PARD3: variants seen among roughly 807,000 people sequenced by gnomAD.
PARD3 encodes par-3 family cell polarity regulator, also known as partitioning defective 3 homolog.
Under a neutral mutation model 155.4 loss-of-function variants are expected in PARD3, and 75 were observed. The observed-to-expected ratio is 0.48, with a 90% CI of 0.40 to 0.58. The LOEUF (loss-of-function observed/expected upper bound fraction) is 0.58. PARD3 is among the 20% of genes least tolerant of loss of function. The probability of loss-of-function intolerance (pLI) is 0.00; values close to 1 mark genes in which losing one functional copy is unlikely to be tolerated. For synonymous variants in PARD3, 576 were observed against 610.5 expected, an observed-to-expected ratio of 0.94 and a Z score of 0.83; for missense variants, 1,642 against 1,721.7, an observed-to-expected ratio of 0.95 and a Z score of 0.82.
At chr10:34,581,817 G>A (rs1261481658) in intron 2 of PARD3, among the ~76,000 whole-genome samples, 1 of 152,166 alleles carries the variant, frequency 6.6e-6, no homozygotes, top group Non-Finnish European at 1.5e-5. Flanking sequence ...TTCATTCGTG[G>A]TGGATGAGAA....
chr10:34,168,493 C>T (rs929989334), intron 22 of PARD3, among the ~76,000 whole-genome samples: 6 of 152,136 alleles, frequency 3.9e-5, no homozygotes, highest in African/African-American at 1.4e-4. Flanking sequence ...TATCCAAGGC[C>T]ACACATTGCT....
chr10:34,554,773 A>T (rs900579444), intron 2 of PARD3, among the ~76,000 whole-genome samples: 1 of 152,222 alleles, frequency 6.6e-6, no homozygotes, highest in Non-Finnish European at 1.5e-5. Flanking sequence ...AAAAATTATT[A>T]AGATGAGGAA....
chr10:34,725,105 T>TTGTGTG (rs71033342), intron 1 of PARD3, among the ~76,000 whole-genome samples: 3,582 of 135,724 alleles, frequency 0.026, 58 homozygotes, highest in East Asian at 0.086. Flanking sequence ...AGTCAAAACT[T>TTGTGTG]TGTGTGTGTG....
intron 1 of PARD3, among the ~76,000 whole-genome samples, chr10:34,793,813 T>C (rs1432077372): frequency 6.6e-6 from 1 of 151,600 alleles, no homozygotes; most frequent in Non-Finnish European, 1.5e-5. Context: ...TGGGGAAACA[T>C]GAAGGGTGGA....
chr10:34,310,360 T>C (rs1439709010), intron 20 of PARD3, among the ~76,000 whole-genome samples: 1 of 152,194 alleles, frequency 6.6e-6, no homozygotes, highest in Non-Finnish European at 1.5e-5. Flanking sequence ...TTCACATCAA[T>C]TGCAGAAAAA....
chr10:34,463,039 A>T (rs1007148756), intron 4 of PARD3, among the ~76,000 whole-genome samples: 1 of 60,064 alleles, frequency 1.7e-5, no homozygotes, highest in South Asian at 9.8e-4. Context: ...GAGGAGGGGA[A>T]GGGGAGGAAA....
chr10:34,810,643 G>A (rs1844027850), intron 1 of PARD3, among the ~76,000 whole-genome samples: 1 of 152,134 alleles, frequency 6.6e-6, no homozygotes, highest in Admixed American at 6.5e-5. Context: ...ATTACATGCT[G>A]CGTTTTTAAG....
intron 2 of PARD3, among the ~76,000 whole-genome samples, chr10:34,653,842 A>G (rs1180219810): frequency 6.6e-6 from 1 of 151,498 alleles, no homozygotes; most frequent in Non-Finnish European, 1.5e-5. Context: ...TCTGGCCTTG[A>G]TCATTCCAGA....
chr10:34,124,175 T>C (rs547441094), intron 23 of PARD3, among the ~76,000 whole-genome samples: 2 of 152,340 alleles, frequency 1.3e-5, no homozygotes, highest in South Asian at 4.1e-4. Context: ...TGCAAAATTT[T>C]GTATGTCCAA....
At position 34,360,084 on chromosome 10, in the gene PARD3, C is replaced by T; in HGVS notation, c.1883G>A (p.Gly628Glu). The change falls in exon 13 of 25, where the codon GGA becomes GAA. Residue 628 changes from glycine (G) to glutamate (E), a missense_variant. This residue lies in a region of PARD3 where 1,529 missense variants were observed against 1,587.3 expected (regional missense o/e 0.96). Coordinates refer to ENST00000374788, the MANE Select transcript of PARD3 (RefSeq NM_001184785.2). ...GIFVKSIING[G>E]AASKDGRLRV... ...GTTGACACTCACTTTAGATGCTGCTCCTCCATTAATAATGGACTTGACAAA... is the reference window on the plus strand; with the variant it reads ...GTTGACACTCACTTTAGATGCTGCTTCTCCATTAATAATGGACTTGACAAA... 1.2e-6 allele frequency: 2 copies of T among 1,612,648 alleles called. No homozygotes were observed. Among genetic ancestry groups the T allele is most frequent in the Non-Finnish European group, 1.7e-6 (2 of 1,178,760 alleles).
intron 2 of PARD3, among the ~76,000 whole-genome samples, chr10:34,541,388 TG>T (rs1319888346): frequency 6.6e-6 from 1 of 152,264 alleles, no homozygotes; most frequent in African/African-American, 2.4e-5. Flanking sequence ...TAAAGCCATC[TG>T]CCCCAAGATA....
At chr10:34,245,157 C>A (rs931618101) in intron 22 of PARD3, among the ~76,000 whole-genome samples, 1 of 152,176 alleles carries the variant, frequency 6.6e-6, no homozygotes, top group Non-Finnish European at 1.5e-5. Context: ...CAAACTCTGT[C>A]AGATCTGAGG....
At chr10:34,645,246 C>T (rs2092803273) in intron 2 of PARD3, among the ~76,000 whole-genome samples, 1 of 151,912 alleles carries the variant, frequency 6.6e-6, no homozygotes, top group South Asian at 2.1e-4. Context: ...CACTCTGTCA[C>T]CCAGACTGGA....
At chr10:34,277,937 T>C (rs939015935) in intron 21 of PARD3, among the ~76,000 whole-genome samples, 3 of 152,162 alleles carry the variant, frequency 2.0e-5, no homozygotes, top group African/African-American at 7.2e-5. Context: ...GAATAAGATC[T>C]AGCTCCCAAA....
In PARD3 at chr10:34,776,551, A is replaced by ATTT. The variant is rs753285825; in HGVS notation, c.120+38322_120+38324dup. Among the ~76,000 whole-genome samples the ATTT allele has an allele frequency of 3.0e-3, 435 of 142,962 alleles. 1 individual carries two copies. The highest frequency in any genetic ancestry group is 0.011 in the African/African-American group (419 of 39,332). The allele number at this position is 142,962 out of a possible 152,430, so 93.8% of individuals were successfully genotyped here. A position where few individuals can be genotyped will look rare whatever the true frequency, so the allele number is the denominator to read the frequency against. On this transcript the variant is annotated intron_variant, in intron 1 of 24. Coordinates refer to ENST00000374788, the MANE Select transcript of PARD3 (RefSeq NM_001184785.2). ...CAGAATTAGCTGAAGTTCTTGAACA[A>ATTT]TTTTTTTTTTTTTTTTAGTAAGCAG...
chr10:34,230,682 A>G (rs1317467683), intron 22 of PARD3, among the ~76,000 whole-genome samples: 2 of 152,118 alleles, frequency 1.3e-5, no homozygotes, highest in Non-Finnish European at 2.9e-5. Context: ...TTCTAAAATA[A>G]CAAGTTTGGA....
intron 24 of PARD3, among the ~76,000 whole-genome samples, chr10:34,112,205 G>T (rs894091114): frequency 6.6e-6 from 1 of 152,202 alleles, no homozygotes; most frequent in African/African-American, 2.4e-5. Context: ...ATTGGACGGA[G>T]AGTCCGGAAG....
chr10:34,742,216 A>G (rs1417815623), intron 1 of PARD3, among the ~76,000 whole-genome samples: 1 of 152,190 alleles, frequency 6.6e-6, no homozygotes, highest in East Asian at 1.9e-4. Flanking sequence ...GACAAACTAC[A>G]AACAATCACA....
At chr10:34,612,124 CTG>C (rs1248137811) in intron 2 of PARD3, among the ~76,000 whole-genome samples, 1 of 152,058 alleles carries the variant, frequency 6.6e-6, no homozygotes, top group African/African-American at 2.4e-5. Context: ...CCGTGCCCAG[CTG>C]TGATACATTT....
Sources: gnomAD v4.1 joint callset for allele counts (sites outside exome capture counted in the v4.1 genomes callset) on GRCh38, gnomAD v4.1.1 for gene constraint, gnomAD v4.1.1 regional missense constraint, MANE v1.5 for transcripts, NCBI Gene and HGNC (gene_info 2026-07-23, HGNC 2026-07-21) for gene names.